GALNT10: variants seen among roughly 807,000 people sequenced by gnomAD.
GALNT10 encodes polypeptide N-acetylgalactosaminyltransferase 10.
A neutral mutation model predicts 75.0 loss-of-function variants in GALNT10; 41 were observed. The ratio of observed to expected loss-of-function variants is 0.55; its 90% confidence interval spans 0.43 to 0.71. The LOEUF is 0.71. Among genes scored for constraint, GALNT10 ranks in the 30% least tolerant of loss-of-function variants. GALNT10 has a pLI of 0.00. For missense variants in GALNT10, 727 were observed against 818.5 expected (o/e 0.89, Z 1.36); for synonymous variants, 302 against 313.0 (o/e 0.96, Z 0.37).
chr5:154,231,394 C>G (rs1268441578), intron 1 of GALNT10, among the ~76,000 whole-genome samples: 1 of 152,080 alleles, frequency 6.6e-6, no homozygotes. Flanking sequence ...CTTTTCAAGC[C>G]CATTGAATTC....
At chr5:154,205,013 A>G (rs974505639) in intron 1 of GALNT10, among the ~76,000 whole-genome samples, 1 of 152,230 alleles carries the variant, frequency 6.6e-6, no homozygotes, top group African/African-American at 2.4e-5. Flanking sequence ...CAGATACCCT[A>G]CAGATAGGAC....
At chr5:154,203,832 C>T (rs1383893122) in intron 1 of GALNT10, among the ~76,000 whole-genome samples, 1 of 152,212 alleles carries the variant, frequency 6.6e-6, no homozygotes, top group East Asian at 1.9e-4. Context: ...AAGTTCCATT[C>T]CCAAACTTGA....
At chr5:154,239,915 A>G (rs1475270144) in intron 1 of GALNT10, among the ~76,000 whole-genome samples, 1 of 152,168 alleles carries the variant, frequency 6.6e-6, no homozygotes, top group South Asian at 2.1e-4. Flanking sequence ...TTAGTGAGTG[A>G]GTGTTTTGTT....
chr5:154,233,093 A>G (rs1266899295), intron 1 of GALNT10, among the ~76,000 whole-genome samples: 2 of 152,192 alleles, frequency 1.3e-5, no homozygotes, highest in Non-Finnish European at 2.9e-5. Flanking sequence ...TCTGAGCTCC[A>G]TTCTTCAGAA....
At chr5:154,319,003 A>G (rs1313688007) in intron 3 of GALNT10, among the ~76,000 whole-genome samples, 1 of 152,200 alleles carries the variant, frequency 6.6e-6, no homozygotes, top group African/African-American at 2.4e-5. Flanking sequence ...CTTTCACAGT[A>G]CCTTTGGGGG....
intron 4 of GALNT10, chr5:154,347,147 G>T (rs367837365): frequency 1.9e-6 from 1 of 514,282 alleles, no homozygotes; most frequent in South Asian, 1.4e-5. Context: ...TGATCTCACC[G>T]AGTCCTGTGA....
intron 1 of GALNT10, among the ~76,000 whole-genome samples, chr5:154,275,423 T>A (rs1265357102): frequency 6.6e-6 from 1 of 152,230 alleles, no homozygotes; most frequent in East Asian, 1.9e-4. Context: ...CATAGAGCAG[T>A]TCACATGCTG....
At chr5:154,218,905 A>T (rs571000360) in intron 1 of GALNT10, among the ~76,000 whole-genome samples, 1 of 151,830 alleles carries the variant, frequency 6.6e-6, no homozygotes, top group Admixed American at 6.6e-5. Context: ...TGTTTATTGA[A>T]GCCTCTTCTT....
At chr5:154,329,528 G>T (rs1754809865) in intron 3 of GALNT10, 44 bp from the exon 4 acceptor site, 1 of 1,542,724 alleles carries the variant, frequency 6.5e-7, no homozygotes, top group Non-Finnish European at 8.9e-7. Context: ...TTGGCAGGAG[G>T]AGAGCTGACC....
At chr5:154,344,943 T>G (rs11167672) in intron 4 of GALNT10, among the ~76,000 whole-genome samples, 98,400 of 152,016 alleles carry the variant, frequency 0.65, 32,290 homozygotes, top group Admixed American at 0.75. Context: ...AAGCTGCCAG[T>G]CCCCTCCAAA....
At chr5:154,232,763 G>C (rs1753170141) in intron 1 of GALNT10, among the ~76,000 whole-genome samples, 1 of 152,186 alleles carries the variant, frequency 6.6e-6, no homozygotes, top group Non-Finnish European at 1.5e-5. Flanking sequence ...ACAAGTAACA[G>C]ACATGTGGTC....
In GALNT10 at chr5:154,359,536, T is replaced by TAAAA. The variant is rs5872375; in HGVS notation, c.569-16728_569-16725dup. 3.1e-4 allele frequency among the ~76,000 whole-genome samples: 42 copies of TAAAA among 136,904 alleles called. 1 individual carries two copies. Among genetic ancestry groups the TAAAA allele is most frequent in the Middle Eastern group, 3.7e-3 (1 of 268 alleles). The allele number at this position is 136,904 out of a possible 152,430, so 89.8% of individuals were successfully genotyped here. A position where few individuals can be genotyped will look rare whatever the true frequency, so the allele number is the denominator to read the frequency against. ...CCTAAAAGGACTCTGTTTCTTTCTT[T>TAAAA]AAAAAAAAAAAAAAAAGAGAGAGAG... On this transcript the variant is annotated intron_variant, in intron 4 of 11. Transcript: ENST00000297107.
intron 3 of GALNT10, among the ~76,000 whole-genome samples, chr5:154,313,857 A>G (rs1354770803): frequency 6.6e-6 from 1 of 152,170 alleles, no homozygotes. Flanking sequence ...GAAAGGGAAC[A>G]GGGACTTTTC....
intron 7 of GALNT10, among the ~76,000 whole-genome samples, chr5:154,399,736 C>A (rs1756118658): frequency 6.6e-6 from 1 of 152,184 alleles, no homozygotes; most frequent in Non-Finnish European, 1.5e-5. Context: ...ACGGGCAGAG[C>A]ACTGTGCTAG....
chr5:154,227,572 G>A (rs768162921), intron 1 of GALNT10, among the ~76,000 whole-genome samples: 1 of 152,178 alleles, frequency 6.6e-6, no homozygotes, highest in Admixed American at 6.5e-5. Flanking sequence ...TCAGAGATAT[G>A]TTTCTGCAGT....
At chr5:154,215,234 G>A (rs1039188495) in intron 1 of GALNT10, among the ~76,000 whole-genome samples, 4 of 152,072 alleles carry the variant, frequency 2.6e-5, no homozygotes, top group Admixed American at 2.6e-4. Context: ...TGTAATCCCA[G>A]CACTTTGGGA....
intron 1 of GALNT10, among the ~76,000 whole-genome samples, chr5:154,203,789 C>T (rs764220736): frequency 6.6e-6 from 1 of 152,218 alleles, no homozygotes; most frequent in South Asian, 2.1e-4. Context: ...CCAGAGCTCT[C>T]TCTTGTGAGC....
Position 154,338,203 on chromosome 5 carries a change from C to G in GALNT10, c.568+8465C>G, listed in dbSNP as rs1270865194. On this transcript the variant is annotated intron_variant, in intron 4 of 11. Coordinates refer to ENST00000297107, the MANE Select transcript of GALNT10 (RefSeq NM_198321.4). The stretch of plus-strand genomic sequence containing the variant: ...CAACTCTTCCATCCACTTTGTGTGG[C>G]CTTGCATTCATGGCTGCATCCATCT... 5.3e-6 allele frequency: 4 copies of G among 759,466 alleles called. No individual in the cohort carries two copies. The African/African-American group carries it at 6.8e-5, about 13-fold the overall frequency. 47.0% of individuals were successfully genotyped at this position (759,466 alleles called of 1,614,324 possible).
At chr5:154,359,221 C>A (rs1755344340) in intron 4 of GALNT10, among the ~76,000 whole-genome samples, 1 of 152,150 alleles carries the variant, frequency 6.6e-6, no homozygotes, top group East Asian at 1.9e-4. Context: ...TCCGCAGAGG[C>A]AGCTTTTTGC....
Sources: gnomAD v4.1 joint callset for allele counts (sites outside exome capture counted in the v4.1 genomes callset) on GRCh38, gnomAD v4.1.1 for gene constraint, MANE v1.5 for transcripts, NCBI Gene and HGNC (gene_info 2026-07-23, HGNC 2026-07-21) for gene names.